AKAP17A: variants seen among roughly 807,000 people sequenced by gnomAD.
AKAP17A encodes the protein A-kinase anchoring protein 17A.
Under a neutral mutation model 52.2 loss-of-function variants are expected in AKAP17A, and 15 were observed. The observed-to-expected ratio is 0.29, with a 90% CI of 0.19 to 0.44. The LOEUF (loss-of-function observed/expected upper bound fraction) is 0.44. Among genes scored for constraint, AKAP17A ranks in the 20% least tolerant of loss-of-function variants. The pLI, the probability that AKAP17A is intolerant of heterozygous loss-of-function variation, is 1.00. For missense variants in AKAP17A, 1,060 were observed against 1,007.0 expected (o/e 1.05, Z -0.71); for synonymous variants, 514 against 424.7 (o/e 1.21, Z -2.58).
intron 1 of AKAP17A, among the ~76,000 whole-genome samples, chrX:1,592,889 G>A (rs1220077054): frequency 6.6e-6 from 1 of 152,144 alleles, no homozygotes; most frequent in Non-Finnish European, 1.5e-5. Flanking sequence ...GATACGTTTG[G>A]CCTTCGTGGA....
chrX:1,595,254 T>G lies in AKAP17A; in HGVS notation c.763-130T>G. On this transcript the variant is annotated intron_variant, in intron 2 of 4. Coordinates refer to ENST00000313871, the MANE Select transcript of AKAP17A (RefSeq NM_005088.3). ...CTGGGTCTGCACCGGACATGAGTGG[T>G]GAGCGGTGAGCGGTGAGCGGGCGCT... is the stretch of plus-strand genomic sequence containing the variant. The G allele has an allele frequency of 1.0e-5, 2 of 192,744 alleles. 1 individual carries two copies. The allele number at this position is 192,744 out of a possible 1,614,324, so 11.9% of individuals were successfully genotyped here.
chrX:1,600,394 G>T, intron 4 of AKAP17A: 1 of 623,092 alleles, frequency 1.6e-6, no homozygotes, highest in Non-Finnish European at 2.8e-6. Flanking sequence ...GCCCGCCCTG[G>T]GGCTGCGCCG....
chrX:1,592,550 T>C (rs1271251359), intron 1 of AKAP17A, among the ~76,000 whole-genome samples: 1 of 152,008 alleles, frequency 6.6e-6, no homozygotes, highest in African/African-American at 2.4e-5. Flanking sequence ...CACTGACCTT[T>C]TCTGGTCGCT....
At chrX:1,594,310 ACCCCT>A in intron 2 of AKAP17A, 86 bp downstream of exon 2, 1 of 1,443,112 alleles carries the variant, frequency 6.9e-7, no homozygotes, top group Non-Finnish European at 9.2e-7. Context: ...TCCCAGCCAC[ACCCCT>A]GAGGCTGTGG....
chrX:1,594,470 A>G (rs1178808554), intron 2 of AKAP17A, among the ~76,000 whole-genome samples: 38 of 152,128 alleles, frequency 2.5e-4, no homozygotes, highest in Non-Finnish European at 2.9e-4. Context: ...CAGGTCATAT[A>G]GTAGGTGAGG....
At position 1,593,900 on chromosome X, in the gene AKAP17A, G is replaced by A. The variant is rs1208817102; in HGVS notation, c.438G>A (p.Pro146=). The change falls in exon 2 of 5, where the codon CCG becomes CCA. Residue 146 remains proline, a synonymous_variant. Transcript: ENST00000313871. The part of the protein sequence containing the change: ...DMNETLPGER[P]DTIHLEGLPC... The stretch of plus-strand genomic sequence containing the variant: ...ACGAGACCCTGCCGGGGGAGCGGCC[G>A]GACACCATCCACCTGGAGGGGCTGC... 17 of 1,612,098 alleles carry A rather than the reference G, an allele frequency of 1.1e-5. No individual in the cohort carries two copies. Among genetic ancestry groups the A allele is most frequent in the East Asian group, 2.2e-5 (1 of 44,840 alleles).
Position 1,593,600 on chromosome X carries a change from C to G in AKAP17A, c.138C>G (p.Ile46Met). 1 of 1,613,894 alleles carries G rather than the reference C, an allele frequency of 6.2e-7. No individual in the cohort carries two copies. The highest frequency in any genetic ancestry group is 8.5e-7 in the Non-Finnish European group (1 of 1,179,880). Reference protein sequence around the residue: ...LPQLKQPGKSISNWEVMERLK... With the variant: ...LPQLKQPGKSMSNWEVMERLK... The stretch of plus-strand genomic sequence containing the variant: ...AGCTGAAGCAGCCGGGGAAGTCCAT[C>G]TCCAACTGGGAGGTGATGGAGAGGC... The change falls in exon 2 of 5, where the codon ATC becomes ATG. Residue 46 changes from isoleucine (I) to methionine (M), a missense_variant. Coordinates refer to ENST00000313871, the MANE Select transcript of AKAP17A (RefSeq NM_005088.3).
Position 1,600,675 on chromosome X carries a change from A to G in AKAP17A, c.1169A>G (p.Glu390Gly), listed in dbSNP as rs1933311425. Residue 390 changes from glutamate (E) to glycine (G), a missense_variant, in exon 5 of 5, where the codon GAA (glutamate) becomes GGA (glycine). Transcript: ENST00000313871. ...TCCCCGCAGGCTGTGAAGCTACGGG[A>G]ACAGGAGCAGAAGGAGGAGAAGCTG... is the stretch of plus-strand genomic sequence containing the variant. ...LSRAKAVKLR[E>G]QEQKEEKLRL... is the part of the protein sequence containing the mutation. The G allele has an allele frequency of 1.9e-6, 3 of 1,542,412 alleles. No individual in the cohort carries two copies. The East Asian group carries it at 7.4e-5, about 38-fold the overall frequency.
At chrX:1,600,635 G>A (rs1414781431) in intron 4 of AKAP17A, 24 bp from the exon 5 acceptor site, 11 of 1,515,410 alleles carry the variant, frequency 7.3e-6, no homozygotes, top group African/African-American at 5.5e-5. Flanking sequence ...ACCGGGCTCA[G>A]CTGCACTTTC....
At chrX:1,599,691 C>T (rs1933245789) in intron 4 of AKAP17A, 2 of 648,510 alleles carry the variant, frequency 3.1e-6, no homozygotes, top group Non-Finnish European at 5.6e-6. Context: ...CTGGCAGCCT[C>T]CCGGGGGCCA....
chrX:1,593,810 G>A lies in AKAP17A; in HGVS notation c.348G>A (p.Glu116=), dbSNP rs757190155. Residue 116 remains glutamate, a synonymous_variant, in exon 2 of 5, where the codon GAG becomes GAA. Transcript: ENST00000313871. ...FSDILKVRAA[E]FKIDFPTRHD... ...ACATCCTGAAGGTGCGCGCGGCCGA[G>A]TTCAAGATCGACTTCCCCACCCGCC... 3.1e-6 allele frequency: 5 copies of A among 1,612,028 alleles called. No homozygotes were observed. The highest frequency in any genetic ancestry group is 4.2e-6 in the Non-Finnish European group (5 of 1,178,906).
rs1933338642 is a variant in AKAP17A at position 1,600,979 on chromosome X, C to T, written c.1473C>T (p.Pro491=). 6.3e-7 allele frequency: 1 copy of T among 1,595,414 alleles called. No individual in the cohort carries two copies. The highest frequency in any genetic ancestry group is 8.5e-7 in the Non-Finnish European group (1 of 1,172,462). Residue 491 remains proline (P), a synonymous_variant, in exon 5 of 5, where the codon CCC becomes CCT. Coordinates refer to ENST00000313871, the MANE Select transcript of AKAP17A (RefSeq NM_005088.3). ...ATTLHPLGGQ[P]PAGAPKESPA... is the part of the protein sequence containing the mutation. ...CGCTGCACCCCCTCGGGGGCCAGCC[C>T]CCGGCCGGTGCCCCCAAGGAGAGCC...
At chrX:1,599,598 G>C (rs1190003761) in intron 4 of AKAP17A, 166 bp downstream of exon 4, 63 of 968,794 alleles carry the variant, frequency 6.5e-5, no homozygotes, top group Non-Finnish European at 9.7e-5. Flanking sequence ...GGAGGGTGTA[G>C]CGCTCGTCTG....
At chrX:1,593,361 A>C in intron 1 of AKAP17A, 83 bp from the exon 2 acceptor site, 1 of 1,399,478 alleles carries the variant, frequency 7.1e-7, no homozygotes, top group Non-Finnish European at 9.8e-7. Context: ...CCGGGTCCAG[A>C]AAGTGCCTGC....
chrX:1,601,916 C>A lies in AKAP17A; in HGVS notation c.*322C>A, dbSNP rs1307968597. 5.9e-5 allele frequency: 19 copies of A among 323,926 alleles called. No homozygotes were observed. Among genetic ancestry groups the A allele is most frequent in the Non-Finnish European group, 1.0e-4 (18 of 178,354 alleles). 20.1% of individuals were successfully genotyped at this position (323,926 alleles called of 1,614,324 possible). A position where few individuals can be genotyped will look rare whatever the true frequency, so the allele number is the denominator to read the frequency against. On this transcript the variant is annotated 3_prime_UTR_variant, in exon 5 of 5. Coordinates refer to ENST00000313871, the MANE Select transcript of AKAP17A (RefSeq NM_005088.3). The stretch of plus-strand genomic sequence containing the variant: ...AGTCGTGAGGATGGCAGAGCTGCTG[C>A]ATTCCCCCACACGGGGATTTCTGTG...
Position 1,599,288 on chromosome X carries a change from G to T in AKAP17A, c.1008G>T (p.Arg336=), listed in dbSNP as rs754186285. The part of the protein sequence containing the change: ...EQKQRDRELR[R]NQKKLEKLQA... ...AGCAGAGGGACCGTGAGCTGCGCCG[G>T]AATCAGAAGAAGCTGGAGAAGCTGC... Residue 336 remains arginine, a synonymous_variant, in exon 4 of 5, where the codon CGG becomes CGT. Coordinates refer to ENST00000313871, the MANE Select transcript of AKAP17A (RefSeq NM_005088.3). The T allele has an allele frequency of 2.5e-6, 4 of 1,611,606 alleles. No homozygotes were observed. The highest frequency in any genetic ancestry group is 2.5e-6 in the Non-Finnish European group (3 of 1,179,388).
Position 1,601,674 on chromosome X carries a change from T to C in AKAP17A, c.*80T>C. On this transcript the variant is annotated 3_prime_UTR_variant, in exon 5 of 5. Coordinates refer to ENST00000313871, the MANE Select transcript of AKAP17A (RefSeq NM_005088.3). ...CCTCCTGGCCGCTCCTTGGCCGCTC[T>C]CCGTCCACCCCTGCAAAGCCAAGAC... 1 of 1,292,950 alleles carries C rather than the reference T, an allele frequency of 7.7e-7. No individual in the cohort carries two copies. The highest frequency in any genetic ancestry group is 1.0e-6 in the Non-Finnish European group (1 of 1,003,216). 80.1% of individuals were successfully genotyped at this position (1,292,950 alleles called of 1,614,324 possible). A position where few individuals can be genotyped will look rare whatever the true frequency, so the allele number is the denominator to read the frequency against.
chrX:1,600,275 C>G (rs1933283094), intron 4 of AKAP17A: 1 of 1,103,812 alleles, frequency 9.1e-7, no homozygotes, highest in Admixed American at 2.3e-5. Context: ...TGGCATGCGT[C>G]TGCGGCGTCA....
chrX:1,593,477 C>T lies in AKAP17A; in HGVS notation c.15C>T (p.Thr5=). 1 of 1,612,696 alleles carries T rather than the reference C, an allele frequency of 6.2e-7. No homozygotes were observed. The highest frequency in any genetic ancestry group is 8.5e-7 in the Non-Finnish European group (1 of 1,179,062). MAAA[T]IVHDTSEAVE... ...TCCCGGAGGCTATGGCAGCGGCTAC[C>T]ATCGTGCACGACACGTCTGAGGCCG... The change falls in exon 2 of 5, where the codon ACC becomes ACT. Residue 5 remains threonine, a synonymous_variant. Coordinates refer to ENST00000313871, the MANE Select transcript of AKAP17A (RefSeq NM_005088.3).
Sources: gnomAD v4.1 joint callset for allele counts (sites outside exome capture counted in the v4.1 genomes callset) on GRCh38, gnomAD v4.1.1 for gene constraint, MANE v1.5 for transcripts, NCBI Gene and HGNC (gene_info 2026-07-23, HGNC 2026-07-21) for gene names.